CDKN2B-AS1: variants seen among roughly 807,000 people sequenced by gnomAD.
CDKN2B-AS1 encodes the protein CDKN2B antisense RNA 1 (non-protein coding).
intron 3 of CDKN2B-AS1, among the ~76,000 whole-genome samples, chr9:22,052,245 G>A (rs921200756): frequency 6.6e-6 from 1 of 152,106 alleles, no homozygotes; most frequent in Non-Finnish European, 1.5e-5. Context: ...TTCAATGTCT[G>A]ACTCATTAAG....
intron 4 of CDKN2B-AS1, among the ~76,000 whole-genome samples, chr9:22,126,903 A>C (rs1057268853): frequency 6.6e-6 from 1 of 152,012 alleles, no homozygotes; most frequent in African/African-American, 2.4e-5. Context: ...TTAAAACAGA[A>C]GGTGGGGAGG....
At chr9:22,108,304 T>C (rs1010644916) in intron 4 of CDKN2B-AS1, among the ~76,000 whole-genome samples, 2 of 152,170 alleles carry the variant, frequency 1.3e-5, no homozygotes, top group African/African-American at 4.8e-5. Flanking sequence ...CCATTTAACT[T>C]AGTATTTCTG....
At chr9:22,086,963 A>G (rs1824886523) in intron 4 of CDKN2B-AS1, among the ~76,000 whole-genome samples, 1 of 152,220 alleles carries the variant, frequency 6.6e-6, no homozygotes, top group Non-Finnish European at 1.5e-5. Context: ...CACTATGGCA[A>G]GCCATGTGAA....
chr9:22,078,140 A>G (rs977039238), intron 4 of CDKN2B-AS1, among the ~76,000 whole-genome samples: 1 of 152,202 alleles, frequency 6.6e-6, no homozygotes, highest in African/African-American at 2.4e-5. Flanking sequence ...AGTGTCTTGA[A>G]CTGATTGTAC....
chr9:21,998,183 G>T (rs1820768210), intron 1 of CDKN2B-AS1, among the ~76,000 whole-genome samples: 1 of 152,124 alleles, frequency 6.6e-6, no homozygotes, highest in Non-Finnish European at 1.5e-5. Flanking sequence ...TTTAATATTA[G>T]TCTCAGCAAA....
At chr9:22,055,548 GGTT>G (rs1823524539) in intron 3 of CDKN2B-AS1, among the ~76,000 whole-genome samples, 1 of 152,048 alleles carries the variant, frequency 6.6e-6, no homozygotes, top group African/African-American at 2.4e-5. Flanking sequence ...TAGGTAGGTT[GGTT>G]GTTTTTTGTT....
At position 22,000,759 on chromosome 9, in the gene CDKN2B-AS1, A is replaced by C. The variant is rs113436837; in HGVS notation, n.29+5598A>C. Among the ~76,000 whole-genome samples, 19 of 152,318 alleles carry C rather than the reference A, an allele frequency of 1.2e-4. No individual in the cohort carries two copies. The highest frequency in any genetic ancestry group is 5.2e-4 in the Admixed American group (8 of 15,300). ...ATAAATATATTCTAAAATATATAAT[A>C]ACAAACAATAACAGTACTTGCAGCT... On this transcript the variant is annotated intron_variant and non_coding_transcript_variant, in intron 1 of 4. Coordinates refer to ENST00000650946, the Ensembl canonical transcript of CDKN2B-AS1. This position sits in a 1 kb window ranked among gnomAD's most constrained non-coding sequence, Gnocchi z 4.1.
At chr9:22,092,891 C>G (rs1015427578) in intron 4 of CDKN2B-AS1, among the ~76,000 whole-genome samples, 2 of 151,966 alleles carry the variant, frequency 1.3e-5, no homozygotes, top group African/African-American at 4.8e-5. Context: ...GCTCTTGCTT[C>G]TATAGTTCTT....
chr9:22,078,925 T>C (rs1254899820), intron 4 of CDKN2B-AS1, among the ~76,000 whole-genome samples: 2 of 152,220 alleles, frequency 1.3e-5, no homozygotes, highest in Non-Finnish European at 2.9e-5. Flanking sequence ...TGAGGAGCAT[T>C]ACTAAACGGC....
At chr9:22,031,483 G>A (rs1822467940) in intron 1 of CDKN2B-AS1, among the ~76,000 whole-genome samples, 1 of 152,144 alleles carries the variant, frequency 6.6e-6, no homozygotes, top group Non-Finnish European at 1.5e-5. Context: ...GCTAGAATTG[G>A]TCCTGATACT....
chr9:22,014,020 A>C (rs1431473827), intron 1 of CDKN2B-AS1, among the ~76,000 whole-genome samples: 2 of 152,180 alleles, frequency 1.3e-5, no homozygotes, highest in African/African-American at 4.8e-5. Flanking sequence ...AGAGACACAT[A>C]ATATGGTTGT....
chr9:22,047,917 G>C (rs12683931), intron 2 of CDKN2B-AS1, among the ~76,000 whole-genome samples: 2 of 151,378 alleles, frequency 1.3e-5, no homozygotes, highest in African/African-American at 4.9e-5. Context: ...CTTCTGAGTA[G>C]CTGGGACTAT....
intron 4 of CDKN2B-AS1, among the ~76,000 whole-genome samples, chr9:22,092,984 C>A (rs914061733): frequency 1.3e-5 from 2 of 152,172 alleles, no homozygotes; most frequent in African/African-American, 4.8e-5. Flanking sequence ...TCCCTCTACA[C>A]ACTGCTTTGA....
chr9:22,095,586 T>G (rs1197038546), intron 4 of CDKN2B-AS1, among the ~76,000 whole-genome samples: 1 of 151,070 alleles, frequency 6.6e-6, no homozygotes, highest in African/African-American at 2.5e-5. Flanking sequence ...TGGAGAGTTC[T>G]GTAGATGTCT....
At position 21,995,853 on chromosome 9, in the gene CDKN2B-AS1, C is replaced by T. The variant is rs144285189; in HGVS notation, n.29+692C>T. The T allele has an allele frequency of 5.9e-5, 9 of 152,268 alleles. No homozygotes were observed. Among genetic ancestry groups the T allele is most frequent in the African/African-American group, 1.4e-4 (6 of 41,468 alleles). The allele number at this position is 152,268 out of a possible 1,614,324, so 9.4% of individuals were successfully genotyped here. On this transcript the variant is annotated intron_variant and non_coding_transcript_variant, in intron 1 of 4. Transcript: ENST00000650946. The surrounding 1 kb of genome is among the most constrained non-coding windows in gnomAD (Gnocchi z 5.7). ...CAGGCCGGCGCGCTGACCCGGTGCC[C>T]CGACCCGGAGCCTGCGGTCTGCCTG...
Position 22,032,498 on chromosome 9 carries a change from C to T in CDKN2B-AS1, n.30-14253C>T, listed in dbSNP as rs1822518609. Among the ~76,000 whole-genome samples, 2 of 152,150 alleles carry T rather than the reference C, an allele frequency of 1.3e-5. 1 individual carries two copies. Among genetic ancestry groups the T allele is most frequent in the South Asian group, 4.1e-4 (2 of 4,824 alleles). ...CTAGGGCTTCATGCCTGAGGTGCAT[C>T]TGTAGAAGGTGCTCAACAAAGGCTT... On this transcript the variant is annotated intron_variant and non_coding_transcript_variant, in intron 1 of 4. Transcript: ENST00000650946.
At chr9:22,080,841 G>C (rs1049617742) in intron 4 of CDKN2B-AS1, among the ~76,000 whole-genome samples, 1 of 152,200 alleles carries the variant, frequency 6.6e-6, no homozygotes. Context: ...AGGAGGGTGG[G>C]CTGAGCCAGA....
rs1001094833 is a variant in CDKN2B-AS1 at position 21,995,327 on chromosome 9, G to A, written n.29+166G>A. On this transcript the variant is annotated intron_variant and non_coding_transcript_variant, in intron 1 of 4. Coordinates refer to ENST00000650946, the Ensembl canonical transcript of CDKN2B-AS1. The surrounding 1 kb of genome is among the most constrained non-coding windows in gnomAD (Gnocchi z 5.7). ...TTCACGACAGCCGCGGAGCATCTGAGCGCTTCTTCCTCTTTCCTCTTCCCC... is the reference window on the plus strand; with the variant it reads ...TTCACGACAGCCGCGGAGCATCTGAACGCTTCTTCCTCTTTCCTCTTCCCC... 7 of 152,538 alleles carry A rather than the reference G, an allele frequency of 4.6e-5. No homozygotes were observed. The highest frequency in any genetic ancestry group is 1.7e-4 in the African/African-American group (7 of 41,470). 9.4% of individuals were successfully genotyped at this position (152,538 alleles called of 1,614,324 possible).
At chr9:22,047,753 GT>G (rs1186159658) in intron 2 of CDKN2B-AS1, among the ~76,000 whole-genome samples, 1 of 151,478 alleles carries the variant, frequency 6.6e-6, no homozygotes, top group East Asian at 1.9e-4. Flanking sequence ...CAGCTTTGCT[GT>G]GGTTAGACAC....
Sources: allele counts gnomAD v4.1 joint callset (sites outside exome capture counted in the v4.1 genomes callset), GRCh38; gene constraint gnomAD v4.1.1; non-coding constraint Gnocchi (gnomAD v3.1); transcripts MANE v1.5; gene names NCBI Gene and HGNC (gene_info 2026-07-23, HGNC 2026-07-21).